STMN2: variants seen among roughly 807,000 people sequenced by gnomAD.
STMN2 encodes stathmin-2.
Under a neutral mutation model 24.1 loss-of-function variants are expected in STMN2, and 2 were observed. That is an observed-to-expected ratio of 0.08 (90% CI 0.03 to 0.26). The LOEUF (loss-of-function observed/expected upper bound fraction) is 0.26, where lower values mean the gene tolerates loss of function less well. Among genes scored for constraint, STMN2 ranks in the 10% least tolerant of loss-of-function variants. The probability of loss-of-function intolerance (pLI) is 1.00; values close to 1 mark genes in which losing one functional copy is unlikely to be tolerated. For synonymous variants in STMN2, 83 were observed against 77.5 expected (o/e 1.07, Z -0.37); for missense variants, 114 against 213.6 (o/e 0.53, Z 2.91).
intron 4 of STMN2, among the ~76,000 whole-genome samples, chr8:79,661,693 A>C (rs1184721744): frequency 6.6e-6 from 1 of 152,134 alleles, no homozygotes; most frequent in African/African-American, 2.4e-5. Context: ...TTTCACATCT[A>C]AGGAACCTGG....
intron 3 of STMN2, among the ~76,000 whole-genome samples, chr8:79,652,573 T>C (rs1272999409): frequency 2.0e-5 from 3 of 152,222 alleles, no homozygotes; most frequent in African/African-American, 7.2e-5. Flanking sequence ...GCCAAAATTT[T>C]GCATTTGAGT....
chr8:79,615,220 C>G (rs898084922), intron 1 of STMN2, among the ~76,000 whole-genome samples: 6 of 152,190 alleles, frequency 3.9e-5, no homozygotes, highest in Admixed American at 3.9e-4. Context: ...TAGGAAAATT[C>G]CGGATTTATC....
intron 1 of STMN2, among the ~76,000 whole-genome samples, chr8:79,627,157 CT>C (rs1049127450): frequency 2.0e-5 from 3 of 152,064 alleles, no homozygotes; most frequent in African/African-American, 7.2e-5. Context: ...ATGAATCCCC[CT>C]TTTTTTATAA....
At chr8:79,640,132 G>T (rs776866531) in intron 2 of STMN2, among the ~76,000 whole-genome samples, 1 of 152,156 alleles carries the variant, frequency 6.6e-6, no homozygotes, top group Admixed American at 6.5e-5. Context: ...CCTGGGAGGC[G>T]GAGGTTGCAG....
At chr8:79,613,349 T>A in intron 1 of STMN2, 1 of 981,426 alleles carries the variant, frequency 1.0e-6, no homozygotes, top group Non-Finnish European at 1.2e-6. Flanking sequence ...CAGCCAGCCC[T>A]GCAGAGCCCC....
chr8:79,644,864 C>T (rs1222158545), intron 3 of STMN2, among the ~76,000 whole-genome samples: 2 of 151,986 alleles, frequency 1.3e-5, no homozygotes, highest in African/African-American at 2.4e-5. Flanking sequence ...AGGAATATAA[C>T]GTGAGCCAGG....
At chr8:79,625,951 A>G (rs1203399264) in intron 1 of STMN2, among the ~76,000 whole-genome samples, 3 of 152,096 alleles carry the variant, frequency 2.0e-5, no homozygotes, top group African/African-American at 7.2e-5. Flanking sequence ...AAGAGCAAAA[A>G]ACTCTGACTC....
intron 2 of STMN2, among the ~76,000 whole-genome samples, chr8:79,640,574 G>A (rs1212134393): frequency 6.6e-6 from 1 of 152,224 alleles, no homozygotes; most frequent in African/African-American, 2.4e-5. Flanking sequence ...GTACACTAGA[G>A]GAGGATATTC....
intron 1 of STMN2, among the ~76,000 whole-genome samples, chr8:79,617,553 T>C (rs947544243): frequency 1.3e-5 from 2 of 152,188 alleles, no homozygotes; most frequent in Admixed American, 1.3e-4. Context: ...TGGGAAACTT[T>C]CCATTTTTGC....
At chr8:79,664,310 A>G (rs1806557879) in intron 4 of STMN2, among the ~76,000 whole-genome samples, 2 of 152,206 alleles carry the variant, frequency 1.3e-5, no homozygotes, top group Admixed American at 6.5e-5. Flanking sequence ...TGTGTGTAGG[A>G]AAAGATGGGG....
At chr8:79,620,885 T>G (rs752452710) in intron 1 of STMN2, 168 of 820,186 alleles carry the variant, frequency 2.0e-4, no homozygotes, top group Non-Finnish European at 2.4e-4. Context: ...GTCCCATGGA[T>G]TTGCATTTCT....
At chr8:79,649,068 C>T (rs1334334893) in intron 3 of STMN2, among the ~76,000 whole-genome samples, 1 of 152,092 alleles carries the variant, frequency 6.6e-6, no homozygotes, top group Non-Finnish European at 1.5e-5. Flanking sequence ...AATAAAATGG[C>T]ATAAAAGTAG....
intron 1 of STMN2, among the ~76,000 whole-genome samples, chr8:79,626,212 T>C (rs1318591391): frequency 6.6e-6 from 1 of 152,156 alleles, no homozygotes; most frequent in Non-Finnish European, 1.5e-5. Flanking sequence ...GCCCTTACCC[T>C]GGGGTAGCTA....
At chr8:79,632,857 T>G (rs577574113) in intron 1 of STMN2, among the ~76,000 whole-genome samples, 4 of 152,142 alleles carry the variant, frequency 2.6e-5, no homozygotes, top group Admixed American at 6.6e-5. Flanking sequence ...AAATGATAAG[T>G]GTTAAAATTC....
chr8:79,620,127 G>A (rs1331647702), intron 1 of STMN2, among the ~76,000 whole-genome samples: 1 of 148,752 alleles, frequency 6.7e-6, no homozygotes, highest in Admixed American at 6.7e-5. Context: ...TCAGTGGCAA[G>A]CCTCAGAGGC....
At chr8:79,624,240 G>A (rs1255957400) in intron 1 of STMN2, among the ~76,000 whole-genome samples, 1 of 151,980 alleles carries the variant, frequency 6.6e-6, no homozygotes, top group Non-Finnish European at 1.5e-5. Flanking sequence ...GGATCACGAG[G>A]TCAGGAGATC....
intron 4 of STMN2, among the ~76,000 whole-genome samples, chr8:79,662,942 T>C (rs772661357): frequency 1.1e-4 from 16 of 152,138 alleles, no homozygotes; most frequent in Non-Finnish European, 1.9e-4. Flanking sequence ...TTTTTCCTTA[T>C]AATAGCAGAA....
intron 4 of STMN2, chr8:79,663,637 C>T (rs2130404192): frequency 6.5e-7 from 1 of 1,530,666 alleles, no homozygotes; most frequent in East Asian, 2.5e-5. Context: ...ATTTCTGGAG[C>T]TTCAGAGGGA....
At chr8:79,617,840 A>G (rs1809419582) in intron 1 of STMN2, among the ~76,000 whole-genome samples, 1 of 152,190 alleles carries the variant, frequency 6.6e-6, no homozygotes, top group African/African-American at 2.4e-5. Context: ...GATTGATTTA[A>G]CCCTTGTATA....
Sources: gnomAD v4.1 joint callset for allele counts (sites outside exome capture counted in the v4.1 genomes callset) on GRCh38, gnomAD v4.1.1 for gene constraint, MANE v1.5 for transcripts, NCBI Gene and HGNC (gene_info 2026-07-23, HGNC 2026-07-21) for gene names.